The following CUX1 variants were observed in gnomAD, a reference collection of about 807,000 sequenced individuals.
CUX1 encodes the protein protein CASP.
A neutral mutation model predicts 158.8 loss-of-function variants in CUX1; 31 were observed. The ratio of observed to expected loss-of-function variants is 0.20; its 90% CI spans 0.15 to 0.26. The LOEUF (loss-of-function observed/expected upper bound fraction) is 0.26. Ranked by LOEUF, CUX1 falls within the 10% of genes least tolerant of loss-of-function variation. The pLI, the probability that CUX1 is intolerant of heterozygous loss-of-function variation, is 1.00. For synonymous variants in CUX1, 879 were observed against 862.1 expected, an observed-to-expected ratio of 1.02 and a Z score of -0.34; for missense variants, 1,589 against 2,014.6, an observed-to-expected ratio of 0.79 and a Z score of 4.04.
At chr7:102,058,288 T>C (rs1031811815) in intron 3 of CUX1, among the ~76,000 whole-genome samples, 3 of 152,184 alleles carry the variant, frequency 2.0e-5, no homozygotes, top group African/African-American at 7.2e-5. Flanking sequence ...GCCTTTTTTG[T>C]TCTATTTTTG....
chr7:102,035,275 C>A (rs1198608072), intron 3 of CUX1, among the ~76,000 whole-genome samples: 1 of 152,024 alleles, frequency 6.6e-6, no homozygotes, highest in Non-Finnish European at 1.5e-5. Flanking sequence ...TACAACCATG[C>A]CGTTTGTCAG....
intron 20 of CUX1, among the ~76,000 whole-genome samples, chr7:102,212,430 A>G (rs1403508020): frequency 6.6e-6 from 1 of 152,130 alleles, no homozygotes; most frequent in African/African-American, 2.4e-5. Context: ...CGGCCCCCCA[A>G]AGTCTCTGTT....
chr7:102,194,940 C>T (rs954641213), intron 13 of CUX1, among the ~76,000 whole-genome samples: 3 of 152,042 alleles, frequency 2.0e-5, no homozygotes, highest in Non-Finnish European at 4.4e-5. Flanking sequence ...AGGAGAATCA[C>T]TTGAACCCAG....
chr7:101,919,382 T>C (rs1157574598), intron 2 of CUX1, among the ~76,000 whole-genome samples: 1 of 152,180 alleles, frequency 6.6e-6, no homozygotes, highest in Admixed American at 6.5e-5. Context: ...CACCGCAGGA[T>C]TGATTACTAA....
chr7:101,963,429 G>A (rs1376562297), intron 2 of CUX1, among the ~76,000 whole-genome samples: 1 of 152,150 alleles, frequency 6.6e-6, no homozygotes, highest in Non-Finnish European at 1.5e-5. Context: ...GCTGCACCCA[G>A]CAGTTCATCC....
chr7:101,999,078 G>C (rs893723770), intron 2 of CUX1, among the ~76,000 whole-genome samples: 29 of 152,216 alleles, frequency 1.9e-4, no homozygotes, highest in African/African-American at 6.5e-4. Flanking sequence ...GGAGGGGAGG[G>C]GAGGCAGTCT....
In CUX1 at chr7:102,123,433, C is replaced by T. The variant is rs151016797; in HGVS notation, c.674+8160C>T. Among the ~76,000 whole-genome samples the T allele has an allele frequency of 4.3e-3, 654 of 151,734 alleles. 6 individuals carry two copies. Among genetic ancestry groups the T allele is most frequent in the African/African-American group, 0.015 (626 of 41,398 alleles). Reference sequence around the variant, plus strand: ...GACCATCCTGGCTAACACAGTGAAACCCCATCTCTACTAAAAATATAAAAA... The same window carrying T: ...GACCATCCTGGCTAACACAGTGAAATCCCATCTCTACTAAAAATATAAAAA... On this transcript the variant is annotated intron_variant, in intron 8 of 23. Transcript: ENST00000292535.
chr7:101,967,235 G>C (rs955121284), intron 2 of CUX1, among the ~76,000 whole-genome samples: 24 of 151,942 alleles, frequency 1.6e-4, no homozygotes, highest in Admixed American at 1.6e-3. Flanking sequence ...GGCTGGTCTT[G>C]AACTCCTGAC....
chr7:102,034,831 G>A (rs1821233437), intron 3 of CUX1, among the ~76,000 whole-genome samples: 1 of 151,710 alleles, frequency 6.6e-6, no homozygotes, highest in Admixed American at 6.6e-5. Context: ...CTATGCAGGA[G>A]GCTGAAGCAG....
In CUX1 at chr7:102,227,433, C is replaced by T. The variant is rs1798448572; in HGVS notation, c.3197C>T (p.Ser1066Leu). ...GAGTCCCCGATGAGTTCCAGTGAGT[C>T]GGTGAAGAGCCTGACCGAGCTGGTC... is the stretch of plus-strand genomic sequence containing the variant. The part of the protein sequence containing the change: ...APESPMSSSE[S>L]VKSLTELVQQ... The change falls in exon 21 of 24, where the codon TCG becomes TTG. Residue 1066 changes from serine (S) to leucine (L), a missense_variant. Physicochemically the swap from Ser to Leu is moderately radical, Grantham distance 145 (BLOSUM62 -2). Coordinates refer to ENST00000292535, the MANE Select transcript of CUX1 (RefSeq NM_181552.4). 5 of 1,613,872 alleles carry T rather than the reference C, an allele frequency of 3.1e-6. No homozygotes were observed. The highest frequency in any genetic ancestry group is 4.2e-6 in the Non-Finnish European group (5 of 1,180,020).
Position 102,257,028 on chromosome 7 carries a change from G to A in CUX1, c.*7986G>A. Reference sequence around the variant, plus strand: ...TCAACGTGGAGGAAGGTTGGGTGTGGAGATTGCTTGCTGTGGCCCCAAGCT... The same window carrying A: ...TCAACGTGGAGGAAGGTTGGGTGTGAAGATTGCTTGCTGTGGCCCCAAGCT... On this transcript the variant is annotated 3_prime_UTR_variant, in exon 24 of 24. Transcript: ENST00000292535. 1 of 985,376 alleles carries A rather than the reference G, an allele frequency of 1.0e-6. No homozygotes were observed. Among genetic ancestry groups the A allele is most frequent in the Non-Finnish European group, 1.2e-6 (1 of 829,946 alleles). The allele number at this position is 985,376 out of a possible 1,614,324, so 61.0% of individuals were successfully genotyped here.
chr7:101,866,555 A>G (rs1181268517), intron 1 of CUX1, among the ~76,000 whole-genome samples: 1 of 151,878 alleles, frequency 6.6e-6, no homozygotes, highest in Non-Finnish European at 1.5e-5. Context: ...TCACTTGAGC[A>G]CAGGAGTTGG....
chr7:101,984,901 C>T (rs1814077817), intron 2 of CUX1, among the ~76,000 whole-genome samples: 2 of 152,054 alleles, frequency 1.3e-5, no homozygotes, highest in Admixed American at 6.6e-5. Flanking sequence ...TCAAATAATG[C>T]AGTTTTCGTT....
intron 1 of CUX1, among the ~76,000 whole-genome samples, chr7:101,904,123 C>CACACAA (rs1259227995): frequency 2.7e-5 from 4 of 150,700 alleles, no homozygotes. Context: ...ACAAAACACA[C>CACACAA]ACACACACAC....
chr7:102,100,176 A>T (rs1239286873), intron 5 of CUX1, among the ~76,000 whole-genome samples: 1 of 152,112 alleles, frequency 6.6e-6, no homozygotes, highest in African/African-American at 2.4e-5. Context: ...TACTCAGAAG[A>T]CTGAGGTGGA....
At chr7:101,853,185 A>G (rs901620514) in intron 1 of CUX1, among the ~76,000 whole-genome samples, 6 of 152,146 alleles carry the variant, frequency 3.9e-5, no homozygotes, top group African/African-American at 1.4e-4. Context: ...TCTCTGGGAC[A>G]GGTGACCCAT....
At chr7:102,142,396 A>G (rs1257861132) in intron 8 of CUX1, among the ~76,000 whole-genome samples, 1 of 152,158 alleles carries the variant, frequency 6.6e-6, no homozygotes, top group African/African-American at 2.4e-5. Context: ...ACACTAAAAC[A>G]TGAAGGAGAC....
chr7:101,927,399 C>G (rs1805716997), intron 2 of CUX1, among the ~76,000 whole-genome samples: 2 of 152,144 alleles, frequency 1.3e-5, no homozygotes, highest in Non-Finnish European at 2.9e-5. Flanking sequence ...TAGCTCATTT[C>G]TGTAATCCCA....
intron 2 of CUX1, among the ~76,000 whole-genome samples, chr7:101,927,803 C>G (rs2906648): frequency 6.6e-6 from 1 of 152,222 alleles, no homozygotes; most frequent in East Asian, 1.9e-4. Flanking sequence ...AGGTAATTAA[C>G]GAGGAGCTAA....
Sources: gnomAD v4.1 joint callset for allele counts (sites outside exome capture counted in the v4.1 genomes callset) on GRCh38, gnomAD v4.1.1 for gene constraint, MANE v1.5 for transcripts, NCBI Gene and HGNC (gene_info 2026-07-23, HGNC 2026-07-21) for gene names.